Variants in DLGAP1 observed in about 807,000 individuals in gnomAD.
DLGAP1 encodes DLG associated protein 1.
A neutral mutation model predicts 90.8 loss-of-function variants in DLGAP1; 11 were observed. That is an observed-to-expected ratio of 0.12 (90% CI 0.08 to 0.20). The LOEUF (loss-of-function observed/expected upper bound fraction) is 0.20, where lower values mean the gene tolerates loss of function less well. DLGAP1 is among the 10% of genes least tolerant of loss of function. The pLI is 1.00. For synonymous variants in DLGAP1, 558 were observed against 540.7 expected, an observed-to-expected ratio of 1.03 and a Z score of -0.44; for missense variants, 1,050 against 1,333.8, an observed-to-expected ratio of 0.79 and a Z score of 3.31.
At chr18:4,118,247 C>T (rs1013011216) in intron 2 of DLGAP1, among the ~76,000 whole-genome samples, 1 of 152,112 alleles carries the variant, frequency 6.6e-6, no homozygotes, top group African/African-American at 2.4e-5. Context: ...TGGAGTTCTT[C>T]GTCCCTGAGA....
intron 4 of DLGAP1, among the ~76,000 whole-genome samples, chr18:3,834,770 G>C (rs1400458386): frequency 6.6e-6 from 1 of 152,150 alleles, no homozygotes; most frequent in Non-Finnish European, 1.5e-5. Flanking sequence ...TGTACTATTT[G>C]AATTTTTTTC....
chr18:4,301,593 T>A (rs1264623622), intron 1 of DLGAP1, among the ~76,000 whole-genome samples: 2 of 152,236 alleles, frequency 1.3e-5, no homozygotes, highest in African/African-American at 4.8e-5. Flanking sequence ...TGAACAATGC[T>A]GCAGTGAACA....
intron 4 of DLGAP1, among the ~76,000 whole-genome samples, chr18:3,855,926 A>AT (rs1449098804): frequency 2.1e-4 from 32 of 152,212 alleles, no homozygotes; most frequent in African/African-American, 7.2e-4. Context: ...ATTTATTCTT[A>AT]TTTTATGGCT....
intron 5 of DLGAP1, among the ~76,000 whole-genome samples, chr18:3,745,143 ATAGAAAG>A (rs1236925655): frequency 6.6e-6 from 1 of 152,232 alleles, no homozygotes; most frequent in African/African-American, 2.4e-5. Context: ...ATCGCTAAAG[ATAGAAAG>A]TAGGTGAGTG....
rs117963054 is a variant in DLGAP1 at position 3,872,351 on chromosome 18, C to G, written c.957+6761G>C. 2.2e-3 allele frequency among the ~76,000 whole-genome samples: 328 copies of G among 151,070 alleles called. 2 individuals are homozygous for G. Among genetic ancestry groups the G allele is most frequent in the Non-Finnish European group, 1.2e-3 (78 of 67,806 alleles). ...TCTGTGTAACAGTAATTAATTGATT[C>G]TTTATATCATTACCTTTTAGTTTAT... On this transcript the variant is annotated intron_variant, in intron 4 of 12. Coordinates refer to ENST00000315677, the MANE Select transcript of DLGAP1 (RefSeq NM_004746.4).
intron 7 of DLGAP1, among the ~76,000 whole-genome samples, chr18:3,614,622 C>A (rs1657657557): frequency 6.8e-6 from 1 of 148,090 alleles, no homozygotes; most frequent in South Asian, 2.1e-4. Flanking sequence ...GGGCGGATCA[C>A]CTGAGGTCAG....
At chr18:4,452,645 T>C (rs771685796) in intron 1 of DLGAP1, among the ~76,000 whole-genome samples, 37 of 152,204 alleles carry the variant, frequency 2.4e-4, no homozygotes, top group Non-Finnish European at 4.4e-4. Context: ...TATTTCTCTA[T>C]ATGCGCTACA....
At position 4,454,562 on chromosome 18, in the gene DLGAP1, G is replaced by A. The variant is rs943833388; in HGVS notation, c.-267+444C>T. Among the ~76,000 whole-genome samples the A allele has an allele frequency of 3.9e-5, 6 of 152,140 alleles. No homozygotes were observed. The highest frequency in any genetic ancestry group is 2.0e-4 in the Admixed American group (3 of 15,278). On this transcript the variant is annotated intron_variant, in intron 1 of 12. Transcript: ENST00000315677. The surrounding 1 kb of genome is among the most constrained non-coding windows in gnomAD (Gnocchi z 4.7). ...TGCTTTGCAAACGACCCAGGAGCCTGCCGAGAAAGCCCTGCGGGGAGCAGC... is the reference window on the plus strand; with the variant it reads ...TGCTTTGCAAACGACCCAGGAGCCTACCGAGAAAGCCCTGCGGGGAGCAGC...
intron 11 of DLGAP1, among the ~76,000 whole-genome samples, chr18:3,507,365 A>ACAAAACAAAACAAAT (rs1284853186): frequency 6.9e-6 from 1 of 145,678 alleles, no homozygotes; most frequent in South Asian, 2.2e-4. Context: ...ACAAAACAAA[A>ACAAAACAAAACAAAT]AATTAGCTGG....
chr18:4,426,801 T>G (rs16946720), intron 1 of DLGAP1, among the ~76,000 whole-genome samples: 9,260 of 152,252 alleles, frequency 0.061, 749 homozygotes, highest in African/African-American at 0.18. Context: ...CAATTAGACC[T>G]GAAATCACGT....
intron 1 of DLGAP1, among the ~76,000 whole-genome samples, chr18:4,354,752 C>CA (rs758051882): frequency 2.0e-5 from 3 of 151,814 alleles, no homozygotes; most frequent in South Asian, 4.2e-4. Context: ...ACACAATACC[C>CA]ATCCTTGTAT....
rs556448524 is a variant in DLGAP1, at chr18:3,563,751, G to A, written c.2057+3739C>T. Among the ~76,000 whole-genome samples the A allele has an allele frequency of 2.6e-5, 4 of 152,334 alleles. No homozygotes were observed. In the South Asian group the frequency reaches 8.3e-4, roughly 32 times the overall value. On this transcript the variant is annotated intron_variant, in intron 9 of 12. Transcript: ENST00000315677. Reference sequence around the variant, plus strand: ...CCCAAAGTGCTGGGATTACAGGCATGAGCCACCGTGCCCAGCTGATCTGGC... The same window carrying A: ...CCCAAAGTGCTGGGATTACAGGCATAAGCCACCGTGCCCAGCTGATCTGGC...
intron 2 of DLGAP1, among the ~76,000 whole-genome samples, chr18:4,145,267 A>G (rs2076565935): frequency 6.6e-6 from 1 of 152,206 alleles, no homozygotes; most frequent in Non-Finnish European, 1.5e-5. Context: ...CAGGTTTTCT[A>G]TCTTACAGAT....
chr18:3,569,054 G>A (rs1168332795), intron 8 of DLGAP1, among the ~76,000 whole-genome samples: 1 of 151,446 alleles, frequency 6.6e-6, no homozygotes, highest in African/African-American at 2.4e-5. Context: ...CCAGGCTAGA[G>A]TGCAGTGGCG....
chr18:3,515,882 A>G (rs987174234), intron 10 of DLGAP1, among the ~76,000 whole-genome samples: 4 of 152,162 alleles, frequency 2.6e-5, no homozygotes, highest in Admixed American at 2.6e-4. Flanking sequence ...GGTCATTTCA[A>G]CAGTGTTCGC....
intron 3 of DLGAP1, among the ~76,000 whole-genome samples, chr18:3,974,315 C>T (rs2073523581): frequency 6.6e-6 from 1 of 152,134 alleles, no homozygotes; most frequent in East Asian, 1.9e-4. Context: ...ATCTCGAAAA[C>T]ACATTATTAT....
intron 2 of DLGAP1, among the ~76,000 whole-genome samples, chr18:4,009,859 C>G (rs997882292): frequency 2.6e-5 from 4 of 152,272 alleles, no homozygotes; most frequent in African/African-American, 9.6e-5. Flanking sequence ...CAGGATGGAG[C>G]TGGATCATGT....
intron 10 of DLGAP1, among the ~76,000 whole-genome samples, chr18:3,529,950 A>G (rs779540789): frequency 4.6e-5 from 7 of 152,280 alleles, no homozygotes; most frequent in Non-Finnish European, 1.0e-4. Flanking sequence ...TTACAATACA[A>G]CTGACTTGTT....
intron 4 of DLGAP1, among the ~76,000 whole-genome samples, chr18:3,860,271 G>T (rs2069962178): frequency 2.0e-5 from 3 of 151,812 alleles, no homozygotes; most frequent in Admixed American, 2.0e-4. Context: ...TCTTAAATCT[G>T]CTCTCTTGCT....
Sources: gnomAD v4.1 joint callset for allele counts (sites outside exome capture counted in the v4.1 genomes callset) on GRCh38, gnomAD v4.1.1 for gene constraint, Gnocchi (gnomAD v3.1) non-coding constraint, MANE v1.5 for transcripts, NCBI Gene and HGNC (gene_info 2026-07-23, HGNC 2026-07-21) for gene names.